HORMAD1: variants seen among roughly 807,000 people sequenced by gnomAD.
HORMAD1 encodes HORMA domain-containing protein 1.
In HORMAD1, 33 loss-of-function variants were observed where a neutral mutation model predicts 58.2. The observed-to-expected ratio is 0.57, with a 90% CI of 0.43 to 0.76. The LOEUF (loss-of-function observed/expected upper bound fraction) is 0.76, where lower values mean the gene tolerates loss of function less well. Among genes scored for constraint, HORMAD1 ranks in the 30% least tolerant of loss-of-function variants. The probability of loss-of-function intolerance (pLI) is 0.00; values close to 1 mark genes in which losing one functional copy is unlikely to be tolerated. For missense variants in HORMAD1, 363 were observed against 462.0 expected (o/e 0.79, Z 1.96); for synonymous variants, 137 against 144.6 (o/e 0.95, Z 0.38).
chr1:150,711,206 A>T (rs902586098), intron 7 of HORMAD1, among the ~76,000 whole-genome samples: 1 of 152,180 alleles, frequency 6.6e-6, no homozygotes, highest in African/African-American at 2.4e-5. Flanking sequence ...TGACTTTCTT[A>T]CTTTCCTAAA....
At chr1:150,709,619 C>G (rs11204708) in intron 7 of HORMAD1, among the ~76,000 whole-genome samples, 54,273 of 147,798 alleles carry the variant, frequency 0.37, 9,477 homozygotes, top group South Asian at 0.51. Context: ...CTGACCGTCC[C>G]CCAGCCCGAC....
At position 150,704,298 on chromosome 1, in the gene HORMAD1, G is replaced by C. The variant is rs1264615418; in HGVS notation, c.850C>G (p.Pro284Ala). Residue 284 changes from proline (P) to alanine (A), a missense_variant, in exon 11 of 15, where the codon CCT becomes GCT. Pro to Ala is a conservative substitution (Grantham distance 27, BLOSUM62 -1). Coordinates refer to ENST00000361824, the MANE Select transcript of HORMAD1 (RefSeq NM_032132.5). ...TTACCTTCAAGTTCAGAAGATGCAG[G>C]GTTTTTTTCCTGTTCTTCCATTTTA... The part of the protein sequence containing the change: ...ETKMEEQEKN[P>A]ASSELEEPSL... The C allele has an allele frequency of 6.3e-7, 1 of 1,592,508 alleles. No individual in the cohort carries two copies. Among genetic ancestry groups the C allele is most frequent in the South Asian group, 1.2e-5 (1 of 86,688 alleles).
intron 5 of HORMAD1, among the ~76,000 whole-genome samples, chr1:150,712,989 C>T (rs966798582): frequency 1.1e-4 from 17 of 152,234 alleles, no homozygotes; most frequent in African/African-American, 2.9e-4. Flanking sequence ...TTCTCCCCCA[C>T]TGGACAATTG....
chr1:150,700,270 A>ATATT (rs780188844), intron 13 of HORMAD1, 87 bp from the exon 14 acceptor site: 38 of 728,790 alleles, frequency 5.2e-5, no homozygotes, highest in Admixed American at 2.8e-4. Flanking sequence ...ACGATATGCA[A>ATATT]TATTTATTTA....
rs1202277777 is a variant in HORMAD1 at position 150,720,365 on chromosome 1, A to AT, written c.-34+438dup. On this transcript the variant is annotated intron_variant, in intron 1 of 14. Coordinates refer to ENST00000361824, the MANE Select transcript of HORMAD1 (RefSeq NM_032132.5). ...CGTGAAGCACCGTGCCCGGCCGCTA[A>AT]TTTTTTTTTCTATTTTTAGTGGAGA... Among the ~76,000 whole-genome samples the AT allele has an allele frequency of 8.6e-5, 13 of 151,268 alleles. No individual in the cohort carries two copies. In the East Asian group the frequency reaches 1.6e-3, roughly 18 times the overall value.
rs745560830 is a variant in HORMAD1, at chr1:150,714,100, A to C, written c.264T>G (p.Ala88=). The part of the protein sequence containing the change: ...LVKWMLGCYD[A]LQKKYLRMVV... ...CAAGACTTACATATTTTTTCTGTAA[A>C]GCATCATAACATCCTAGCATCCTAA... Residue 88 remains alanine, a synonymous_variant, in exon 5 of 15, where the codon GCT becomes GCG. Coordinates refer to ENST00000361824, the MANE Select transcript of HORMAD1 (RefSeq NM_032132.5). The C allele has an allele frequency of 6.5e-7, 1 of 1,537,590 alleles. No homozygotes were observed. Among genetic ancestry groups the C allele is most frequent in the East Asian group, 2.3e-5 (1 of 43,890 alleles).
At chr1:150,706,060 G>A (rs890870674) in intron 10 of HORMAD1, among the ~76,000 whole-genome samples, 5 of 152,204 alleles carry the variant, frequency 3.3e-5, no homozygotes, top group African/African-American at 1.2e-4. Flanking sequence ...CTAGGCACAG[G>A]ATGATTAAAA....
chr1:150,700,403 A>G, intron 13 of HORMAD1, among the ~76,000 whole-genome samples: 1 of 152,164 alleles, frequency 6.6e-6, no homozygotes, highest in East Asian at 1.9e-4. Flanking sequence ...TCAGCCTGCC[A>G]AAGTGCTGGG....
chr1:150,708,522 T>A, intron 8 of HORMAD1, 115 bp from the exon 9 acceptor site: 1 of 600,422 alleles, frequency 1.7e-6, no homozygotes, highest in Non-Finnish European at 2.7e-6. Flanking sequence ...AGCTGTTAAC[T>A]TGAAAGTTAC....
chr1:150,701,237 C>A (rs190295422), intron 13 of HORMAD1, among the ~76,000 whole-genome samples: 199 of 152,276 alleles, frequency 1.3e-3, no homozygotes, highest in African/African-American at 4.5e-3. Flanking sequence ...TGGTCTCTAT[C>A]CCTATATCCT....
chr1:150,705,243 C>T (rs11807450), intron 10 of HORMAD1, among the ~76,000 whole-genome samples: 55,002 of 151,028 alleles, frequency 0.36, 10,394 homozygotes, highest in South Asian at 0.54. Context: ...ATACAACTTT[C>T]GGCCAGGCGT....
chr1:150,709,837 A>G lies in HORMAD1; in HGVS notation c.328-876T>C, dbSNP rs587711608. 1.1e-4 allele frequency among the ~76,000 whole-genome samples: 16 copies of G among 152,304 alleles called. No individual in the cohort carries two copies. In the East Asian group the frequency reaches 2.7e-3, roughly 26 times the overall value. On this transcript the variant is annotated intron_variant, in intron 7 of 14. Coordinates refer to ENST00000361824, the MANE Select transcript of HORMAD1 (RefSeq NM_032132.5). ...ATGTTTGCAGCAATGCTGCCTTGTT[A>G]TTCTTTACTCCACTGAGATGTTTGG...
At chr1:150,698,905 A>T (rs1651450936) in intron 14 of HORMAD1, 171 bp from the exon 15 acceptor site, 2 of 470,706 alleles carry the variant, frequency 4.2e-6, no homozygotes, top group Non-Finnish European at 3.8e-6. Context: ...TTTATTATTA[A>T]CATCTTCCAA....
At chr1:150,718,448 A>G (rs1009075497) in intron 2 of HORMAD1, among the ~76,000 whole-genome samples, 2 of 151,742 alleles carry the variant, frequency 1.3e-5, no homozygotes, top group East Asian at 3.9e-4. Flanking sequence ...CCTCAGCTCA[A>G]AAAGTACCTA....
chr1:150,714,464 T>C, intron 4 of HORMAD1, 151 bp downstream of exon 4: 1 of 447,920 alleles, frequency 2.2e-6, no homozygotes, highest in Non-Finnish European at 4.0e-6. Flanking sequence ...GAGGAAAACT[T>C]CGGTGGAAAA....
chr1:150,700,347 G>A (rs1373175143), intron 13 of HORMAD1, among the ~76,000 whole-genome samples, 164 bp from the exon 14 acceptor site: 2 of 152,102 alleles, frequency 1.3e-5, no homozygotes, highest in Admixed American at 6.6e-5. Context: ...GCACCATCAT[G>A]GCTCACTGCA....
intron 13 of HORMAD1, among the ~76,000 whole-genome samples, chr1:150,700,454 T>A (rs1651503182): frequency 6.6e-6 from 1 of 152,070 alleles, no homozygotes; most frequent in Non-Finnish European, 1.5e-5. Flanking sequence ...GATATACAAT[T>A]TTTTTAAAAA....
At chr1:150,700,477 A>C (rs1354166192) in intron 13 of HORMAD1, among the ~76,000 whole-genome samples, 1 of 152,070 alleles carries the variant, frequency 6.6e-6, no homozygotes, top group Non-Finnish European at 1.5e-5. Context: ...AGCTTTATTG[A>C]GATATAATTT....
rs144766684 is a variant in HORMAD1 at position 150,718,016 on chromosome 1, A to AGGAT, written c.34-738_34-735dup. 1.1e-3 allele frequency among the ~76,000 whole-genome samples: 165 copies of AGGAT among 152,320 alleles called. 3 individuals carry two copies. The East Asian group carries it at 0.03, about 28-fold the overall frequency. Reference sequence around the variant, plus strand: ...AAATATATCAAATGCTTGTATTTTGAGGATGAATAAAACAAATGTTAATAG... The same window carrying AGGAT: ...AAATATATCAAATGCTTGTATTTTGAGGATGGATGAATAAAACAAATGTTAATAG... On this transcript the variant is annotated intron_variant, in intron 2 of 14. Coordinates refer to ENST00000361824, the MANE Select transcript of HORMAD1 (RefSeq NM_032132.5).
Sources: allele counts gnomAD v4.1 joint callset (sites outside exome capture counted in the v4.1 genomes callset), GRCh38; gene constraint gnomAD v4.1.1; transcripts MANE v1.5; gene names NCBI Gene and HGNC (gene_info 2026-07-23, HGNC 2026-07-21).